The following WWP1 variants were observed in gnomAD, a reference collection of about 807,000 sequenced individuals.
WWP1 encodes the protein NEDD4-like E3 ubiquitin-protein ligase WWP1.
In WWP1, 49 loss-of-function variants were observed where a neutral mutation model predicts 130.6. The observed-to-expected ratio is 0.38, with a 90% CI of 0.30 to 0.48. WWP1 has a LOEUF of 0.48. Ranked by LOEUF, WWP1 falls within the 20% of genes least tolerant of loss-of-function variation. The pLI is 0.99. For missense variants in WWP1, 809 were observed against 1,100.6 expected, an observed-to-expected ratio of 0.74 and a Z score of 3.75; for synonymous variants, 332 against 367.8, an observed-to-expected ratio of 0.90 and a Z score of 1.11.
chr8:86,440,154 T>C (rs762189964), intron 17 of WWP1, among the ~76,000 whole-genome samples: 4 of 152,224 alleles, frequency 2.6e-5, no homozygotes, highest in Admixed American at 1.3e-4. Flanking sequence ...TGAGGAAATA[T>C]GGTATTTTTA....
intron 11 of WWP1, 40 bp downstream of exon 11, chr8:86,427,857 C>T: frequency 6.4e-7 from 1 of 1,555,458 alleles, no homozygotes; most frequent in South Asian, 1.2e-5. Flanking sequence ...AACTTCCTCC[C>T]TCAGGTGTTT....
intron 11 of WWP1, among the ~76,000 whole-genome samples, chr8:86,430,086 C>A (rs1395627476): frequency 1.3e-5 from 2 of 152,122 alleles, no homozygotes; most frequent in East Asian, 3.9e-4. Context: ...GTAGTCCTAG[C>A]TACTCGGTTG....
At chr8:86,447,794 A>G (rs1358187498) in intron 18 of WWP1, among the ~76,000 whole-genome samples, 3 of 152,190 alleles carry the variant, frequency 2.0e-5, no homozygotes, top group Non-Finnish European at 4.4e-5. Context: ...GAAACGAACG[A>G]GAGAGCTGCC....
At position 86,468,439 on chromosome 8, in the gene WWP1, A is replaced by G. The variant is rs1563564031; in HGVS notation, c.*1546A>G. ...ATTTTCAAGCCTAAAGAATTAAAAA[A>G]AAAATTCTAATGTATGTGACAGGTT... On this transcript the variant is annotated 3_prime_UTR_variant, in exon 25 of 25. Transcript: ENST00000517970. 2.3e-6 allele frequency: 1 copy of G among 438,714 alleles called. No individual in the cohort carries two copies. The highest frequency in any genetic ancestry group is 4.5e-6 in the Non-Finnish European group (1 of 222,792). The allele number at this position is 438,714 out of a possible 1,614,324, so 27.2% of individuals were successfully genotyped here. A position where few individuals can be genotyped will look rare whatever the true frequency, so the allele number is the denominator to read the frequency against.
intron 3 of WWP1, among the ~76,000 whole-genome samples, chr8:86,377,973 A>G (rs528001190): frequency 1.1e-4 from 16 of 152,274 alleles, no homozygotes; most frequent in South Asian, 8.3e-4. Flanking sequence ...GGTCTCATCT[A>G]TCTTCCCATT....
At chr8:86,460,790 C>CT (rs59506795) in intron 22 of WWP1, among the ~76,000 whole-genome samples, 1,290 of 62,386 alleles carry the variant, frequency 0.021, 379 homozygotes, top group Non-Finnish European at 0.033. Context: ...TTTAGCACAT[C>CT]TTTTTTTTTT....
intron 5 of WWP1, among the ~76,000 whole-genome samples, chr8:86,391,057 C>T (rs1807306993): frequency 6.6e-6 from 1 of 151,800 alleles, no homozygotes; most frequent in African/African-American, 2.4e-5. Flanking sequence ...TTATTACAGC[C>T]ATAAATAAAC....
Position 86,374,113 on chromosome 8 carries a change from G to A in WWP1, c.63G>A (p.Gln21=). 6.2e-7 allele frequency: 1 copy of A among 1,605,076 alleles called. No individual in the cohort carries two copies. Among genetic ancestry groups the A allele is most frequent in the Non-Finnish European group, 8.5e-7 (1 of 1,176,428 alleles). The change falls in exon 3 of 25, where the codon CAG becomes CAA. Residue 21 remains glutamine, a synonymous_variant. Transcript: ENST00000517970. ...SNNHSGRLQL[Q]VTVSSAKLKR... ...ACCACAGTGGAAGGTTGCAGTTACA[G>A]GTAACTGGTAAGTTATTTTTATATT...
At chr8:86,345,604 G>A (rs1421124771) in intron 1 of WWP1, among the ~76,000 whole-genome samples, 3 of 150,918 alleles carry the variant, frequency 2.0e-5, no homozygotes, top group African/African-American at 7.3e-5. Flanking sequence ...TAGAGATGGG[G>A]TCTCACTATT....
At chr8:86,374,248 A>G in intron 3 of WWP1, 128 bp downstream of exon 3, 1 of 698,956 alleles carries the variant, frequency 1.4e-6, no homozygotes, top group Non-Finnish European at 2.3e-6. Context: ...TGTTGCAACA[A>G]GCCTCAAAGG....
Position 86,442,666 on chromosome 8 carries a change from G to A in WWP1, c.1886G>A (p.Cys629Tyr), listed in dbSNP as rs1473285043. 3 of 1,611,166 alleles carry A rather than the reference G, an allele frequency of 1.9e-6. No individual in the cohort carries two copies. Among genetic ancestry groups the A allele is most frequent in the Non-Finnish European group, 2.5e-6 (3 of 1,179,096 alleles). The change falls in exon 18 of 25, where the codon TGC becomes TAC. Residue 629 changes from cysteine (C) to tyrosine (Y), a missense_variant. Around this residue, in one of 3 missense-constraint regions of WWP1, gnomAD observed 450 missense variants for 674.2 expected, o/e 0.67. Coordinates refer to ENST00000517970, the MANE Select transcript of WWP1 (RefSeq NM_007013.4). ...CATGAAGTTTTGAACCCAATGTATTGCTTATTTGAGTATGCGGGCAAGAAC... is the reference window on the plus strand; with the variant it reads ...CATGAAGTTTTGAACCCAATGTATTACTTATTTGAGTATGCGGGCAAGAAC... The part of the protein sequence containing the change: ...LSHEVLNPMY[C>Y]LFEYAGKNNY...
intron 22 of WWP1, among the ~76,000 whole-genome samples, chr8:86,460,240 G>GA (rs201183675): frequency 0.013 from 2,003 of 152,276 alleles, 24 homozygotes; most frequent in Middle Eastern, 0.048. Flanking sequence ...TTTCATGGGA[G>GA]AAAATACCAC....
intron 2 of WWP1, among the ~76,000 whole-genome samples, chr8:86,369,895 A>G (rs972332440): frequency 1.3e-5 from 2 of 152,024 alleles, no homozygotes; most frequent in Non-Finnish European, 2.9e-5. Flanking sequence ...CCTTCCATAC[A>G]TTCTTTAAAT....
chr8:86,386,223 G>A (rs1426095611), intron 5 of WWP1, among the ~76,000 whole-genome samples: 1 of 152,128 alleles, frequency 6.6e-6, no homozygotes, highest in East Asian at 1.9e-4. Flanking sequence ...TTTGTTTAGT[G>A]TGTTTTTATA....
At chr8:86,350,166 T>C (rs1333131749) in intron 1 of WWP1, among the ~76,000 whole-genome samples, 2 of 152,198 alleles carry the variant, frequency 1.3e-5, no homozygotes, top group Non-Finnish European at 2.9e-5. Context: ...CTGCTTCTCC[T>C]TTCCAAGAAC....
intron 8 of WWP1, among the ~76,000 whole-genome samples, chr8:86,410,704 C>CTTT (rs11422497): frequency 2.2e-5 from 3 of 137,800 alleles, no homozygotes; most frequent in Admixed American, 7.2e-5. Flanking sequence ...CTTCTACTTA[C>CTTT]TTTTTTTTTT....
At chr8:86,375,816 C>A (rs1010981334) in intron 3 of WWP1, among the ~76,000 whole-genome samples, 1 of 152,144 alleles carries the variant, frequency 6.6e-6, no homozygotes, top group Non-Finnish European at 1.5e-5. Context: ...AGGGTAGACA[C>A]ATGTAATTTT....
rs889745188 is a variant in WWP1 at position 86,438,613 on chromosome 8, G to A, written c.1778G>A (p.Arg593Lys). 1 of 1,607,900 alleles carries A rather than the reference G, an allele frequency of 6.2e-7. No individual in the cohort carries two copies. Among genetic ancestry groups the A allele is most frequent in the East Asian group, 2.2e-5 (1 of 44,702 alleles). The change falls in exon 17 of 25, where the codon AGG (arginine) becomes AAG (lysine). Residue 593 changes from arginine (R) to lysine (K), a missense_variant. By Grantham distance (26) the Arg-to-Lys change is conservative (BLOSUM62 2). Coordinates refer to ENST00000517970, the MANE Select transcript of WWP1 (RefSeq NM_007013.4). The part of the protein sequence containing the change: ...QIMALKPYDL[R>K]RRLYVIFRGE... The stretch of plus-strand genomic sequence containing the variant: ...ATGGCATTAAAACCCTATGACTTGA[G>A]GAGGCGCTTATATGTAATATTTAGA...
At chr8:86,437,760 G>C (rs1258427739) in intron 16 of WWP1, among the ~76,000 whole-genome samples, 1 of 152,136 alleles carries the variant, frequency 6.6e-6, no homozygotes, top group African/African-American at 2.4e-5. Context: ...TTAACACATA[G>C]AGTCAGTTAA....
Sources: gnomAD v4.1 joint callset for allele counts (sites outside exome capture counted in the v4.1 genomes callset) on GRCh38, gnomAD v4.1.1 for gene constraint, gnomAD v4.1.1 regional missense constraint, MANE v1.5 for transcripts, NCBI Gene and HGNC (gene_info 2026-07-23, HGNC 2026-07-21) for gene names.